Variants in OTOGL observed in about 807,000 individuals in gnomAD.
OTOGL encodes otogelin-like protein.
In OTOGL, 285 loss-of-function variants were observed where a neutral mutation model predicts 318.5. The ratio of observed to expected loss-of-function variants is 0.89; its 90% CI spans 0.81 to 0.99. The LOEUF is 0.99. OTOGL is among the 50% of genes least tolerant of loss of function. OTOGL has a pLI of 0.00. For synonymous variants in OTOGL, 987 were observed against 936.5 expected, an observed-to-expected ratio of 1.05 and a Z score of -0.99; for missense variants, 2,899 against 2,845.6, an observed-to-expected ratio of 1.02 and a Z score of -0.43.
chr12:80,212,209 C>T (rs1019943480), intron 4 of OTOGL, among the ~76,000 whole-genome samples: 14 of 152,110 alleles, frequency 9.2e-5, no homozygotes, highest in African/African-American at 2.9e-4. Context: ...GAATAAAATA[C>T]ACATTTTTTT....
intron 8 of OTOGL, among the ~76,000 whole-genome samples, chr12:80,229,735 A>G (rs1365252673): frequency 1.3e-5 from 2 of 151,318 alleles, no homozygotes; most frequent in Non-Finnish European, 2.9e-5. Flanking sequence ...TTTCTTAAAT[A>G]TTTTCTTCTT....
chr12:80,361,366 C>G (rs1890229505), intron 52 of OTOGL, among the ~76,000 whole-genome samples: 1 of 152,052 alleles, frequency 6.6e-6, no homozygotes, highest in Non-Finnish European at 1.5e-5. Context: ...ACCACATTTT[C>G]TTTATCCATT....
chr12:80,300,426 T>C (rs2137726823), intron 27 of OTOGL, among the ~76,000 whole-genome samples: 1 of 152,230 alleles, frequency 6.6e-6, no homozygotes. Context: ...CATCTGAGAA[T>C]CAATCCAGGG....
intron 57 of OTOGL, among the ~76,000 whole-genome samples, chr12:80,372,330 A>C (rs1021056246): frequency 3.9e-5 from 6 of 152,204 alleles, no homozygotes; most frequent in Admixed American, 6.5e-5. Context: ...GTTTGCATTT[A>C]GATTAATTTT....
chr12:80,126,814 T>A (rs1870873543), intron 1 of OTOGL, among the ~76,000 whole-genome samples: 1 of 152,202 alleles, frequency 6.6e-6, no homozygotes, highest in African/African-American at 2.4e-5. Context: ...TTGTCTCTTT[T>A]GATCTTTGTT....
At chr12:80,373,981 C>G (rs1218924817) in intron 57 of OTOGL, among the ~76,000 whole-genome samples, 2 of 152,104 alleles carry the variant, frequency 1.3e-5, no homozygotes, top group Non-Finnish European at 2.9e-5. Context: ...AAGCCAAACT[C>G]AATGCACACA....
At chr12:80,121,122 C>G (rs1870464270) in intron 1 of OTOGL, among the ~76,000 whole-genome samples, 1 of 152,160 alleles carries the variant, frequency 6.6e-6, no homozygotes, top group Non-Finnish European at 1.5e-5. Context: ...TCTGTTACAA[C>G]TGCCTTGGAG....
chr12:80,151,690 A>G (rs995954377), intron 1 of OTOGL, among the ~76,000 whole-genome samples: 58 of 152,216 alleles, frequency 3.8e-4, no homozygotes, highest in African/African-American at 1.3e-3. Flanking sequence ...GCTTGTAAAT[A>G]CTCTAGAACA....
At chr12:80,244,702 C>A (rs10862082) in intron 11 of OTOGL, among the ~76,000 whole-genome samples, 147,901 of 148,400 alleles carry the variant, frequency 1, 73,737 homozygotes, top group Non-Finnish European at 1. Context: ...TGGCTGGGTC[C>A]AATGGTATTT....
At position 80,333,021 on chromosome 12, in the gene OTOGL, T is replaced by A. The variant is rs368665173; in HGVS notation, c.4365T>A (p.Thr1455=). The A allele has an allele frequency of 2.5e-6, 4 of 1,598,136 alleles. No homozygotes were observed. In the African/African-American group the frequency reaches 5.4e-5, roughly 21 times the overall value. The change falls in exon 38 of 59, where the codon ACT becomes ACA. Residue 1455 remains threonine, a synonymous_variant. Transcript: ENST00000547103. The stretch of plus-strand genomic sequence containing the variant: ...TTCTGACAGTTTGGGAAATGATTAC[T>A]CCATCAGACATCACTGTGTTTGATA... The part of the protein sequence containing the change: ...VPMFTVWEMI[T]PSDITVFDML...
intron 1 of OTOGL, among the ~76,000 whole-genome samples, chr12:80,148,862 T>G (rs1872580357): frequency 6.6e-6 from 1 of 152,258 alleles, no homozygotes; most frequent in Non-Finnish European, 1.5e-5. Flanking sequence ...CTGAGGCTTC[T>G]GCATTCTTCA....
intron 1 of OTOGL, among the ~76,000 whole-genome samples, chr12:80,118,239 A>G (rs1239681401): frequency 3.9e-5 from 6 of 152,192 alleles, no homozygotes; most frequent in Admixed American, 3.9e-4. Flanking sequence ...TGCTGCCAAG[A>G]TAACCATGTT....
chr12:80,205,711 A>G (rs1876764043), intron 1 of OTOGL, among the ~76,000 whole-genome samples: 1 of 152,224 alleles, frequency 6.6e-6, no homozygotes, highest in Non-Finnish European at 1.5e-5. Flanking sequence ...TAGTAACACA[A>G]GTAAAGAGTA....
At chr12:80,099,963 A>G (rs1465211184) in intron 1 of OTOGL, among the ~76,000 whole-genome samples, 1 of 152,120 alleles carries the variant, frequency 6.6e-6, no homozygotes, top group Non-Finnish European at 1.5e-5. Context: ...GGCTGTTATT[A>G]CTGTTGCTTC....
At chr12:80,136,113 A>G (rs944947221) in intron 1 of OTOGL, among the ~76,000 whole-genome samples, 1 of 152,128 alleles carries the variant, frequency 6.6e-6, no homozygotes, top group African/African-American at 2.4e-5. Flanking sequence ...GATGAATACA[A>G]TATCCTTCTC....
intron 1 of OTOGL, among the ~76,000 whole-genome samples, chr12:80,181,331 T>TTCTCTCTC (rs57549257): frequency 1.3e-4 from 19 of 149,152 alleles, no homozygotes; most frequent in Admixed American, 2.0e-4. Context: ...TTAAATTTAC[T>TTCTCTCTC]TCTCTCTCTC....
intron 1 of OTOGL, chr12:80,189,525 G>C (rs1013030738): frequency 2.2e-6 from 2 of 898,972 alleles, no homozygotes; most frequent in Admixed American, 6.2e-5. Flanking sequence ...TTCATTTCTT[G>C]GAAGAAGTGA....
In OTOGL at chr12:80,377,920, A is replaced by T. The variant is rs1592464305; in HGVS notation, c.6934A>T (p.Arg2312Ter). ...IYNINIESHL[R>*]FCKCCRENGV... ...TAACATCAATATTGAAAGTCACCTA[A>T]GATTCTGCAAGTGTTGTCGTGAAAA... The change falls in exon 59 of 59, where the codon AGA (arginine) becomes TGA (stop). Residue 2312 changes from arginine (R) to a stop codon, truncating the protein, a stop_gained. Transcript: ENST00000547103. LOFTEE classifies it high-confidence loss of function. 1.2e-6 allele frequency: 2 copies of T among 1,611,182 alleles called. No homozygotes were observed. The highest frequency in any genetic ancestry group is 4.5e-5 in the East Asian group (2 of 44,794).
chr12:80,152,538 C>T (rs1259288021), intron 1 of OTOGL, among the ~76,000 whole-genome samples: 1 of 152,128 alleles, frequency 6.6e-6, no homozygotes, highest in Non-Finnish European at 1.5e-5. Context: ...TCCCACAGTG[C>T]TGTAGGAACT....
Sources: gnomAD v4.1 joint callset for allele counts (sites outside exome capture counted in the v4.1 genomes callset) on GRCh38, gnomAD v4.1.1 for gene constraint, MANE v1.5 for transcripts, NCBI Gene and HGNC (gene_info 2026-07-23, HGNC 2026-07-21) for gene names.